The following PBRM1 variants were observed in gnomAD, a reference collection of about 807,000 sequenced individuals.
PBRM1 encodes polybromo 1.
PBRM1 carries 27 observed loss-of-function variants against 194.5 expected under a neutral mutation model. The ratio of observed to expected loss-of-function variants is 0.14; its 90% CI spans 0.10 to 0.19. The LOEUF (loss-of-function observed/expected upper bound fraction) is 0.19, where lower values mean the gene tolerates loss of function less well. Among genes scored for constraint, PBRM1 ranks in the 10% least tolerant of loss-of-function variants. The pLI is 1.00. For missense variants in PBRM1, 1,466 were observed against 2,077.2 expected (o/e 0.71, Z 5.72); for synonymous variants, 655 against 693.2 (o/e 0.94, Z 0.87).
Position 52,609,469 on chromosome 3 carries a change from A to G in PBRM1, c.2411T>C (p.Leu804Ser), listed in dbSNP as rs1452465002. Residue 804 changes from leucine to serine, a missense_variant, in exon 16 of 30, where the codon TTA becomes TCA. Transcript: ENST00000296302. The surrounding 1 kb of genome is among the most constrained non-coding windows in gnomAD (Gnocchi z 4.1). ...GGGATCCACAGCAGGAATTTCTGCT[A>G]AAGAATCGCTGTAGCATCTTCCCTC... is the stretch of plus-strand genomic sequence containing the variant. 8 of 1,614,000 alleles carry G rather than the reference A, an allele frequency of 5.0e-6. No homozygotes were observed. The highest frequency in any genetic ancestry group is 6.8e-6 in the Non-Finnish European group (8 of 1,179,850).
At chr3:52,550,352 T>C (rs2080635978) in intron 29 of PBRM1, 69 bp downstream of exon 31, 6 of 687,790 alleles carry the variant, frequency 8.7e-6, no homozygotes, top group Non-Finnish European at 1.4e-5. Flanking sequence ...TGATATACTA[T>C]GCTAACAGCA....
exon 1 of PBRM1, chr3:52,679,690 C>T (rs1169692229): frequency 3.1e-6 from 5 of 1,613,662 alleles, no homozygotes; most frequent in Non-Finnish European, 4.2e-6. Flanking sequence ...GGGGAGGTAG[C>T]TCTTCTTCTC....
At chr3:52,626,805 T>G (rs2095463423) in intron 13 of PBRM1, among the ~76,000 whole-genome samples, 1 of 152,180 alleles carries the variant, frequency 6.6e-6, no homozygotes, top group East Asian at 1.9e-4. Flanking sequence ...TATTTTATAA[T>G]CTGACATGCT....
At chr3:52,549,300 G>A (rs570184434) in intron 29 of PBRM1, among the ~76,000 whole-genome samples, 44 of 152,024 alleles carry the variant, frequency 2.9e-4, no homozygotes, top group African/African-American at 9.2e-4. Context: ...GATTACAGGC[G>A]TGAGCCACCG....
chr3:52,681,677 A>C, upstream of PBRM1: 2 of 998,168 alleles, frequency 2.0e-6, no homozygotes, highest in Non-Finnish European at 2.4e-6. Flanking sequence ...GAAAGGGTGT[A>C]GATAATCAGT....
intron 25 of PBRM1, among the ~76,000 whole-genome samples, chr3:52,559,584 C>A (rs892251143): frequency 6.6e-6 from 1 of 152,128 alleles, no homozygotes; most frequent in African/African-American, 2.4e-5. Context: ...CACACATAAA[C>A]CCTTTAACAT....
chr3:52,627,939 T>C (rs973768644), intron 12 of PBRM1, among the ~76,000 whole-genome samples: 2 of 152,220 alleles, frequency 1.3e-5, no homozygotes, highest in African/African-American at 2.4e-5. Context: ...GAAGATTCTA[T>C]GGGTGATCTA....
At chr3:52,594,195 T>C (rs2093361848) in intron 17 of PBRM1, among the ~76,000 whole-genome samples, 1 of 152,190 alleles carries the variant, frequency 6.6e-6, no homozygotes, top group African/African-American at 2.4e-5. Context: ...TTTCTTTTTT[T>C]ATTGTGTGGG....
chr3:52,553,512 A>G (rs2081467916), intron 27 of PBRM1, among the ~76,000 whole-genome samples: 1 of 143,136 alleles, frequency 7.0e-6, no homozygotes, highest in Admixed American at 7.0e-5. Context: ...TTTTTGAGAC[A>G]GGATCTCATT....
At chr3:52,625,096 TGGCAGAA>T (rs2095405611) in intron 13 of PBRM1, among the ~76,000 whole-genome samples, 155 bp from the exon 15 acceptor site, 1 of 152,198 alleles carries the variant, frequency 6.6e-6, no homozygotes, top group African/African-American at 2.4e-5. Flanking sequence ...AGACAGATGT[TGGCAGAA>T]AGAATGCACC....
intron 18 of PBRM1, 60 bp from the exon 21 acceptor site, chr3:52,587,570 C>A (rs999425913): frequency 8.5e-5 from 62 of 731,616 alleles, no homozygotes; most frequent in Non-Finnish European, 1.1e-4. Flanking sequence ...ACAGAAATCA[C>A]TTTTTTTTTT....
At chr3:52,593,584 C>A (rs754168302) in intron 17 of PBRM1, among the ~76,000 whole-genome samples, 2 of 152,184 alleles carry the variant, frequency 1.3e-5, no homozygotes, top group South Asian at 4.1e-4. Context: ...AAATTTCCCT[C>A]TTAACACTGC....
At chr3:52,550,488 G>A (rs2080683266) in exon 29 of PBRM1, 3 of 1,581,508 alleles carry the variant, frequency 1.9e-6, no homozygotes, top group South Asian at 1.2e-5. Flanking sequence ...TGTATTTCAG[G>A]TAGGCCTCTG....
chr3:52,600,837 C>A (rs933414295), intron 17 of PBRM1, among the ~76,000 whole-genome samples: 1 of 152,152 alleles, frequency 6.6e-6, no homozygotes. Context: ...CAGGGTTTCA[C>A]CATGTTGGCC....
Position 52,582,268 on chromosome 3 carries a change from G to T in PBRM1, c.3388-3069C>A, listed in dbSNP as rs539061968. 1.1e-4 allele frequency among the ~76,000 whole-genome samples: 17 copies of T among 148,762 alleles called. No homozygotes were observed. In the East Asian group the frequency reaches 3.4e-3, roughly 30 times the overall value. ...AAAAAAAAAAAAAAAGCTCCTGAAT[G>T]ACCTGTCTTGGTCATATAATATTGA... On this transcript the variant is annotated intron_variant, in intron 20 of 29. Coordinates refer to ENST00000296302, the Ensembl canonical transcript of PBRM1.
At chr3:52,597,758 C>A in intron 17 of PBRM1, among the ~76,000 whole-genome samples, 1 of 151,646 alleles carries the variant, frequency 6.6e-6, no homozygotes, top group East Asian at 2.0e-4. Flanking sequence ...GGCTGGAGTG[C>A]AGTAGCACAA....
intron 5 of PBRM1, among the ~76,000 whole-genome samples, chr3:52,652,689 C>CAA (rs201176113): frequency 6.8e-6 from 1 of 147,250 alleles, no homozygotes; most frequent in Non-Finnish European, 1.5e-5. Flanking sequence ...GACTCCATCT[C>CAA]AAAAAAAAAA....
intron 2 of PBRM1, among the ~76,000 whole-genome samples, chr3:52,674,709 C>A (rs894809315): frequency 6.8e-6 from 1 of 146,264 alleles, no homozygotes; most frequent in Non-Finnish European, 1.5e-5. Context: ...ACATTACATA[C>A]GTTATTTTTT....
At chr3:52,619,379 T>C (rs2095153366) in intron 13 of PBRM1, among the ~76,000 whole-genome samples, 1 of 152,212 alleles carries the variant, frequency 6.6e-6, no homozygotes, top group Admixed American at 6.5e-5. Flanking sequence ...CTTCAAATCA[T>C]CTCTAAATTA....
Sources: allele counts gnomAD v4.1 joint callset (sites outside exome capture counted in the v4.1 genomes callset), GRCh38; gene constraint gnomAD v4.1.1; non-coding constraint Gnocchi (gnomAD v3.1); transcripts MANE v1.5; gene names NCBI Gene and HGNC (gene_info 2026-07-23, HGNC 2026-07-21).